OR9Q1: variants seen among roughly 807,000 people sequenced by gnomAD.
The protein encoded by OR9Q1 is olfactory receptor 9Q1.
For synonymous variants in OR9Q1, 153 were observed against 148.6 expected (o/e 1.03, Z -0.22); for missense variants, 374 against 378.8 (o/e 0.99, Z 0.11).
At chr11:58,102,647 A>G (rs1853795677) in intron 2 of OR9Q1, among the ~76,000 whole-genome samples, 2 of 151,806 alleles carry the variant, frequency 1.3e-5, no homozygotes, top group Non-Finnish European at 2.9e-5. Context: ...TGTTAGTGGA[A>G]CGGGGATTCC....
At chr11:58,138,162 G>C (rs1854207077) in intron 2 of OR9Q1, among the ~76,000 whole-genome samples, 1 of 152,052 alleles carries the variant, frequency 6.6e-6, no homozygotes, top group Non-Finnish European at 1.5e-5. Context: ...CTCCCCATAG[G>C]AAAATGCTTC....
intron 2 of OR9Q1, among the ~76,000 whole-genome samples, chr11:58,144,343 A>G (rs1403298521): frequency 6.6e-6 from 1 of 151,908 alleles, no homozygotes; most frequent in Non-Finnish European, 1.5e-5. Flanking sequence ...CCATGTCCCT[A>G]CAAAGGACAT....
intron 1 of OR9Q1, among the ~76,000 whole-genome samples, chr11:58,038,582 G>C (rs948785844): frequency 6.6e-6 from 1 of 152,144 alleles, no homozygotes; most frequent in African/African-American, 2.4e-5. Flanking sequence ...TTAGGATACT[G>C]ATTTGTTAGG....
chr11:58,172,709 A>G (rs1213095016), intron 2 of OR9Q1, among the ~76,000 whole-genome samples: 2 of 152,164 alleles, frequency 1.3e-5, no homozygotes, highest in Non-Finnish European at 2.9e-5. Context: ...GTAGGTGTAT[A>G]TATTTATGGG....
At chr11:58,136,846 A>G (rs1034593564) in intron 2 of OR9Q1, among the ~76,000 whole-genome samples, 2 of 152,200 alleles carry the variant, frequency 1.3e-5, no homozygotes, top group Non-Finnish European at 2.9e-5. Flanking sequence ...AGGAAAGCCT[A>G]GGTCATTATT....
At chr11:58,171,452 G>T (rs1219671396) in intron 2 of OR9Q1, 1 of 152,148 alleles carries the variant, frequency 6.6e-6, no homozygotes. Flanking sequence ...CATCAGCAAG[G>T]CCATCTAAAC....
intron 2 of OR9Q1, among the ~76,000 whole-genome samples, chr11:58,125,045 G>T (rs1480210260): frequency 6.6e-6 from 1 of 152,140 alleles, no homozygotes; most frequent in African/African-American, 2.4e-5. Context: ...TCCAAAGCCA[G>T]AGTCCTAGTA....
intron 2 of OR9Q1, among the ~76,000 whole-genome samples, chr11:58,167,874 C>T (rs544382594): frequency 3.3e-5 from 5 of 152,160 alleles, no homozygotes; most frequent in African/African-American, 1.2e-4. Context: ...CACACCATCC[C>T]TTCAGCTGCA....
At position 58,180,043 on chromosome 11, in the gene OR9Q1, TTA is replaced by T. The variant is rs1301577537; in HGVS notation, c.601_602del (p.Met201ValfsTer61). ...AGCTACACTCAAGAAGTGCTGATTA[TTA>T]TGTTTGCCATTTTTGTCATCCCTGC... On this transcript the variant is annotated frameshift_variant, in exon 3 of 3. Coordinates refer to ENST00000335397, the MANE Select transcript of OR9Q1 (RefSeq NM_001005212.4). LOFTEE classifies it low-confidence loss of function (END_TRUNC). 2 of 1,614,172 alleles carry T rather than the reference TTA, an allele frequency of 1.2e-6. No individual in the cohort carries two copies. Among genetic ancestry groups the T allele is most frequent in the Admixed American group, 3.3e-5 (2 of 60,020 alleles).
At chr11:58,147,895 T>A (rs891283545) in intron 2 of OR9Q1, among the ~76,000 whole-genome samples, 5 of 152,224 alleles carry the variant, frequency 3.3e-5, no homozygotes, top group Non-Finnish European at 7.3e-5. Flanking sequence ...CTACACATAT[T>A]CTCTTAGAAA....
At chr11:58,102,091 G>T (rs947016035) in intron 2 of OR9Q1, among the ~76,000 whole-genome samples, 41 of 152,150 alleles carry the variant, frequency 2.7e-4, no homozygotes, top group African/African-American at 9.9e-4. Context: ...TTAAGTCTTT[G>T]ATCCATAGAC....
At chr11:58,127,253 C>T (rs1854099166) in intron 2 of OR9Q1, among the ~76,000 whole-genome samples, 3 of 152,098 alleles carry the variant, frequency 2.0e-5, no homozygotes, top group Admixed American at 2.0e-4. Context: ...CCCGGCCTCA[C>T]TCCAGAACTT....
intron 1 of OR9Q1, among the ~76,000 whole-genome samples, chr11:58,034,235 G>A (rs941084660): frequency 9.2e-5 from 14 of 151,548 alleles, no homozygotes; most frequent in African/African-American, 2.9e-4. Context: ...ACAGGGGCCC[G>A]CCACCATGCC....
chr11:58,092,023 T>C (rs185992031), intron 2 of OR9Q1, among the ~76,000 whole-genome samples: 38 of 152,284 alleles, frequency 2.5e-4, no homozygotes, highest in Non-Finnish European at 1.5e-5. Flanking sequence ...CCCTTTATTT[T>C]GAGCCTATGT....
intron 2 of OR9Q1, among the ~76,000 whole-genome samples, chr11:58,086,861 G>A (rs1158605920): frequency 6.6e-6 from 1 of 151,662 alleles, no homozygotes; most frequent in Non-Finnish European, 1.5e-5. Context: ...GGGAGTAAAT[G>A]GGGAAAAGGG....
At chr11:58,128,794 G>A (rs528339650) in intron 2 of OR9Q1, among the ~76,000 whole-genome samples, 8 of 151,898 alleles carry the variant, frequency 5.3e-5, no homozygotes, top group East Asian at 1.9e-4. Flanking sequence ...TCAAAACATC[G>A]CATAAAAATA....
In OR9Q1 at chr11:58,179,578, T is replaced by A. The variant is rs1854639662; in HGVS notation, c.134T>A (p.Met45Lys). ...YLITVLGNLE[M>K]IILILMDHQL... ...ATCACCGTATTGGGGAACTTAGAGATGATTATTCTGATCCTCATGGATCAC... is the reference window on the plus strand; with the variant it reads ...ATCACCGTATTGGGGAACTTAGAGAAGATTATTCTGATCCTCATGGATCAC... The change falls in exon 3 of 3, where the codon ATG (methionine) becomes AAG (lysine). Residue 45 changes from methionine to lysine, a missense_variant. Physicochemically the swap from Met to Lys is moderately conservative, Grantham distance 95. Coordinates refer to ENST00000335397, the MANE Select transcript of OR9Q1 (RefSeq NM_001005212.4). 2 of 1,613,786 alleles carry A rather than the reference T, an allele frequency of 1.2e-6. No individual in the cohort carries two copies. Among genetic ancestry groups the A allele is most frequent in the African/African-American group, 1.3e-5 (1 of 74,912 alleles).
chr11:58,090,331 A>G (rs1007394311), intron 2 of OR9Q1, among the ~76,000 whole-genome samples: 2 of 152,180 alleles, frequency 1.3e-5, no homozygotes, highest in Non-Finnish European at 2.9e-5. Context: ...ATCAATACCT[A>G]GTTTACTGAG....
chr11:58,115,057 C>T (rs1853939720), intron 2 of OR9Q1, among the ~76,000 whole-genome samples: 1 of 152,144 alleles, frequency 6.6e-6, no homozygotes, highest in Non-Finnish European at 1.5e-5. Flanking sequence ...AATCACCTGC[C>T]TTCTAAATGT....
Sources: gnomAD v4.1 joint callset for allele counts (sites outside exome capture counted in the v4.1 genomes callset) on GRCh38, gnomAD v4.1.1 for gene constraint, MANE v1.5 for transcripts, NCBI Gene and HGNC (gene_info 2026-07-23, HGNC 2026-07-21) for gene names.